The following HDAC1 variants were observed in gnomAD, a reference collection of about 807,000 sequenced individuals.
HDAC1 encodes the protein histone deacetylase 1.
A neutral mutation model predicts 65.5 loss-of-function variants in HDAC1; 18 were observed. The observed-to-expected ratio is 0.27, with a 90% CI of 0.19 to 0.41. The LOEUF (loss-of-function observed/expected upper bound fraction) is 0.41, where lower values mean the gene tolerates loss of function less well. Ranked by LOEUF, HDAC1 falls within the 10% of genes least tolerant of loss-of-function variation. HDAC1 has a pLI of 1.00. For synonymous variants in HDAC1, 211 were observed against 227.9 expected, an observed-to-expected ratio of 0.93 and a Z score of 0.67; for missense variants, 373 against 625.2, an observed-to-expected ratio of 0.60 and a Z score of 4.30.
At chr1:32,316,581 G>T (rs1641067339) in intron 2 of HDAC1, 84 bp from the exon 3 acceptor site, 1 of 781,590 alleles carries the variant, frequency 1.3e-6, no homozygotes, top group Non-Finnish European at 2.3e-6. Context: ...TCCATGCTGC[G>T]CAGGAAATAT....
intron 2 of HDAC1, among the ~76,000 whole-genome samples, chr1:32,312,591 C>G (rs2148063028): frequency 6.6e-6 from 1 of 152,288 alleles, no homozygotes; most frequent in African/African-American, 2.4e-5. Context: ...GAACTCCTGA[C>G]TTCAAGTGAT....
At chr1:32,292,378 G>C in intron 1 of HDAC1, 160 bp downstream of exon 1, 8 of 985,288 alleles carry the variant, frequency 8.1e-6, no homozygotes, top group Non-Finnish European at 9.6e-6. Flanking sequence ...GAGGGAGGAG[G>C]CTGCGAGGAA....
chr1:32,321,100 G>A (rs536411604), intron 3 of HDAC1, among the ~76,000 whole-genome samples: 50 of 146,468 alleles, frequency 3.4e-4, no homozygotes, highest in African/African-American at 1.2e-3. Flanking sequence ...GTGTGGTGGT[G>A]GGTGCCTGTA....
At chr1:32,325,377 A>G (rs902219246) in intron 4 of HDAC1, among the ~76,000 whole-genome samples, 1 of 152,214 alleles carries the variant, frequency 6.6e-6, no homozygotes, top group South Asian at 2.1e-4. Flanking sequence ...TGCCCCACCA[A>G]TATAATCACA....
chr1:32,300,365 A>G (rs112127027), intron 1 of HDAC1, among the ~76,000 whole-genome samples: 11,225 of 152,080 alleles, frequency 0.074, 1,374 homozygotes, highest in African/African-American at 0.25. Flanking sequence ...CAGACCAGCC[A>G]GGCCAACATA....
At position 32,331,071 on chromosome 1, in the gene HDAC1, C is replaced by T. The variant is rs536824016; in HGVS notation, c.979+163C>T. On this transcript the variant is annotated intron_variant, in intron 9 of 13. Coordinates refer to ENST00000373548, the MANE Select transcript of HDAC1 (RefSeq NM_004964.3). This position sits in a 1 kb window ranked among gnomAD's most constrained non-coding sequence, Gnocchi z 4.2. ...CTTGTGATCAGCAGACCATAACCAT[C>T]ACTTTTTCCCTAGTCCTTTTTAGCT... Among the ~76,000 whole-genome samples, 3 of 152,308 alleles carry T rather than the reference C, an allele frequency of 2.0e-5. No individual in the cohort carries two copies. The South Asian group carries it at 6.2e-4, about 32-fold the overall frequency.
intron 3 of HDAC1, among the ~76,000 whole-genome samples, chr1:32,322,106 C>T (rs1641155405): frequency 6.6e-6 from 1 of 152,130 alleles, no homozygotes; most frequent in South Asian, 2.1e-4. Flanking sequence ...ATTTTACCAG[C>T]ACAATCCAAA....
intron 1 of HDAC1, among the ~76,000 whole-genome samples, chr1:32,300,006 C>T (rs1047378727): frequency 6.6e-6 from 1 of 151,564 alleles, no homozygotes. Context: ...TGCAGTGAGC[C>T]GAGATCGCAC....
At chr1:32,318,936 T>C (rs1641101291) in intron 3 of HDAC1, among the ~76,000 whole-genome samples, 1 of 152,116 alleles carries the variant, frequency 6.6e-6, no homozygotes, top group Admixed American at 6.5e-5. Flanking sequence ...CTGGCCAACA[T>C]AGTGAAACCC....
In HDAC1 at chr1:32,330,890, G is replaced by A. The variant is rs990117314; in HGVS notation, c.961G>A (p.Asp321Asn). The A allele has an allele frequency of 3.1e-6, 5 of 1,614,136 alleles. No individual in the cohort carries two copies. The highest frequency in any genetic ancestry group is 4.2e-6 in the Non-Finnish European group (5 of 1,180,014). The change falls in exon 9 of 14, where the codon GAT becomes AAT. Residue 321 changes from aspartate to asparagine, a missense_variant. Asp to Asn is a conservative substitution (Grantham distance 23, BLOSUM62 1). Transcript: ENST00000373548. The surrounding 1 kb of genome is among the most constrained non-coding windows in gnomAD (Gnocchi z 4.2). ...GACATATGAGACAGCTGTGGCCCTG[G>A]ATACGGAGATCCCTAATGGTAATAG... ...CWTYETAVAL[D>N]TEIPNELPYN...
rs776349337 is a variant in HDAC1 at position 32,333,028 on chromosome 1, A to AG, written c.1435dup (p.Val479GlyfsTer100). ...TGCTCTCTCCACAGGGTCAAGGAGG[A>AG]GGTCAAGTTGGCCTGAATGGACCTC... On this transcript the variant is annotated frameshift_variant, in exon 14 of 14. Coordinates refer to ENST00000373548, the MANE Select transcript of HDAC1 (RefSeq NM_004964.3). LOFTEE classifies it high-confidence loss of function. The AG allele has an allele frequency of 6.2e-7, 1 of 1,613,844 alleles. No homozygotes were observed. The highest frequency in any genetic ancestry group is 1.1e-5 in the South Asian group (1 of 90,956).
chr1:32,310,103 T>C (rs1185689348), intron 2 of HDAC1, among the ~76,000 whole-genome samples: 1 of 152,170 alleles, frequency 6.6e-6, no homozygotes, highest in African/African-American at 2.4e-5. Flanking sequence ...CCAGAAAGGA[T>C]CTGGCAGTTG....
chr1:32,326,977 G>A lies in HDAC1; in HGVS notation c.394G>A (p.Ala132Thr), dbSNP rs756177951. The A allele has an allele frequency of 4.3e-6, 7 of 1,614,032 alleles. No individual in the cohort carries two copies. Among genetic ancestry groups the A allele is most frequent in the East Asian group, 2.2e-5 (1 of 44,874 alleles). Reference protein sequence around the residue: ...VKLNKQQTDIAVNWAGGLHHA... With the variant: ...VKLNKQQTDITVNWAGGLHHA... ...ACTTAATAAGCAGCAGACGGACATCGCTGTGAATTGGGCTGGGGGCCTGCA... is the reference window on the plus strand; with the variant it reads ...ACTTAATAAGCAGCAGACGGACATCACTGTGAATTGGGCTGGGGGCCTGCA... Residue 132 changes from alanine to threonine, a missense_variant, in exon 5 of 14, where the codon GCT becomes ACT. Physicochemically the swap from Ala to Thr is moderately conservative, Grantham distance 58. Around this residue, in one of 4 missense-constraint regions of HDAC1, gnomAD observed 62 missense variants for 180.0 expected, o/e 0.34. Coordinates refer to ENST00000373548, the MANE Select transcript of HDAC1 (RefSeq NM_004964.3).
intron 2 of HDAC1, among the ~76,000 whole-genome samples, chr1:32,312,832 C>G (rs995287654): frequency 6.6e-6 from 1 of 152,032 alleles, no homozygotes; most frequent in Non-Finnish European, 1.5e-5. Context: ...CCTGCCACCA[C>G]GCCCAGCTAA....
At chr1:32,295,277 G>A (rs542002312) in intron 1 of HDAC1, among the ~76,000 whole-genome samples, 3 of 152,202 alleles carry the variant, frequency 2.0e-5, no homozygotes, top group African/African-American at 4.8e-5. Flanking sequence ...AGCTGGGCAT[G>A]ATGGCATGTG....
chr1:32,319,454 T>TA (rs962376046), intron 3 of HDAC1, among the ~76,000 whole-genome samples: 1 of 152,056 alleles, frequency 6.6e-6, no homozygotes, highest in Non-Finnish European at 1.5e-5. Context: ...GAGCCCTTTT[T>TA]AAAAAAAGAA....
intron 2 of HDAC1, among the ~76,000 whole-genome samples, chr1:32,304,942 C>G (rs1002347904): frequency 2.0e-5 from 3 of 151,882 alleles, no homozygotes; most frequent in Non-Finnish European, 4.4e-5. Flanking sequence ...AAACCCCTGG[C>G]CTCAAGAGAT....
intron 13 of HDAC1, 102 bp from the exon 14 acceptor site, chr1:32,332,915 G>A: frequency 7.7e-7 from 1 of 1,299,058 alleles, no homozygotes; most frequent in African/African-American, 1.5e-5. Context: ...AGGAGCCCCA[G>A]CCCCCAGTAG....
chr1:32,301,414 C>G (rs1640846605), intron 1 of HDAC1, among the ~76,000 whole-genome samples: 1 of 151,602 alleles, frequency 6.6e-6, no homozygotes, highest in African/African-American at 2.4e-5. Flanking sequence ...CCACTGCACT[C>G]CAGCCTGGGC....
Sources: gnomAD v4.1 joint callset for allele counts (sites outside exome capture counted in the v4.1 genomes callset) on GRCh38, gnomAD v4.1.1 for gene constraint, gnomAD v4.1.1 regional missense constraint, Gnocchi (gnomAD v3.1) non-coding constraint, MANE v1.5 for transcripts, NCBI Gene and HGNC (gene_info 2026-07-23, HGNC 2026-07-21) for gene names.